COL2A1: variants seen among roughly 807,000 people sequenced by gnomAD.
COL2A1 encodes the protein collagen alpha-1(II) chain.
Under a neutral mutation model 204.5 loss-of-function variants are expected in COL2A1, and 28 were observed. That is an observed-to-expected ratio of 0.14 (90% confidence interval 0.10 to 0.19). The LOEUF (loss-of-function observed/expected upper bound fraction) is 0.19. COL2A1 is among the 10% of genes least tolerant of loss of function. The pLI is 1.00. For missense variants in COL2A1, 1,388 were observed against 2,027.5 expected, an observed-to-expected ratio of 0.68 and a Z score of 6.06; for synonymous variants, 708 against 718.7, an observed-to-expected ratio of 0.99 and a Z score of 0.24.
Position 47,978,675 on chromosome 12 carries a change from G to A in COL2A1, c.2817C>T (p.Gly939=), listed in dbSNP as rs1328170570. 2 of 1,613,336 alleles carry A rather than the reference G, an allele frequency of 1.2e-6. No individual in the cohort carries two copies. The highest frequency in any genetic ancestry group is 1.7e-6 in the Non-Finnish European group (2 of 1,179,998). The change falls in exon 42 of 54, where the codon GGC becomes GGT. Residue 939 remains glycine, a synonymous_variant. Coordinates refer to ENST00000380518, the MANE Select transcript of COL2A1 (RefSeq NM_001844.5). This position sits in a 1 kb window ranked among gnomAD's most constrained non-coding sequence, Gnocchi z 5.5. ...CTTGGAGGCCGGGTTCACCAGCTCG[G>A]CCAGGGGGGCCGCTGTCTCCTCGAG... ...KGARGDSGPP[G]RAGEPGLQGP... is the part of the protein sequence containing the mutation.
intron 3 of COL2A1, 63 bp downstream of exon 3, chr12:47,998,352 C>T (rs1329311863): frequency 6.6e-7 from 1 of 1,525,664 alleles, no homozygotes; most frequent in Non-Finnish European, 9.1e-7. Context: ...CATAGCATTG[C>T]TTTTGAAGCA....
chr12:47,973,673 A>G (rs1938547674), intron 53 of COL2A1, 120 bp from the exon 54 acceptor site: 1 of 1,188,586 alleles, frequency 8.4e-7, no homozygotes, highest in Non-Finnish European at 1.2e-6. Flanking sequence ...GTTGAACCAC[A>G]CTGAGGGGGC....
chr12:47,978,176 C>T lies in COL2A1; in HGVS notation c.3004-59G>A. On this transcript the variant is annotated intron_variant, in intron 43 of 53. Transcript: ENST00000380518. The surrounding 1 kb of genome is among the most constrained non-coding windows in gnomAD (Gnocchi z 5.5). Reference sequence around the variant, plus strand: ...GTGGTAAGCACCCCTGCCCAGGGCCCACTGACCCTTCAGGGAGAGGGCAGA... The same window carrying T: ...GTGGTAAGCACCCCTGCCCAGGGCCTACTGACCCTTCAGGGAGAGGGCAGA... 1.9e-6 allele frequency: 3 copies of T among 1,581,770 alleles called. No homozygotes were observed. Among genetic ancestry groups the T allele is most frequent in the East Asian group, 2.3e-5 (1 of 43,874 alleles).
intron 12 of COL2A1, 122 bp from the exon 13 acceptor site, chr12:47,994,169 T>A: frequency 1.7e-6 from 2 of 1,167,824 alleles, no homozygotes; most frequent in Non-Finnish European, 1.3e-6. Flanking sequence ...ATCCCCACAC[T>A]TGGACAGCTC....
intron 7 of COL2A1, 138 bp downstream of exon 7, chr12:47,997,468 C>T (rs1219308121): frequency 4.0e-6 from 6 of 1,490,862 alleles, no homozygotes; most frequent in Admixed American, 1.7e-5. Context: ...AAATTACAGG[C>T]CTGAGGGCAA....
rs1471246746 is a variant in COL2A1 at position 47,974,147 on chromosome 12, T to G, written c.4259A>C (p.Glu1420Ala). The G allele has an allele frequency of 6.2e-7, 1 of 1,614,224 alleles. No homozygotes were observed. The highest frequency in any genetic ancestry group is 1.7e-5 in the Admixed American group (1 of 60,022). The change falls in exon 53 of 54, where the codon GAG becomes GCG. Residue 1420 changes from glutamate (E) to alanine (A), a missense_variant. Glu to Ala is a moderately radical substitution (Grantham distance 107). Around this residue, in one of 3 missense-constraint regions of COL2A1, gnomAD observed 303 missense variants for 369.2 expected, o/e 0.82. Coordinates refer to ENST00000380518, the MANE Select transcript of COL2A1 (RefSeq NM_001844.5). Reference protein sequence around the residue: ...ALLIQGSNDVEIRAEGNSRFT... With the variant: ...ALLIQGSNDVAIRAEGNSRFT... The stretch of plus-strand genomic sequence containing the variant: ...CCTGCTATTGCCCTCTGCCCGGATC[T>G]CCACGTCATTGGAGCCCTGGATGAG...
rs1555164952 is a variant in COL2A1, at chr12:47,976,292, T to TTGCCAGGGG, written c.3489+221_3489+222insCCCCTGGCA. 7.2e-5 allele frequency among the ~76,000 whole-genome samples: 11 copies of TTGCCAGGGG among 152,208 alleles called. No homozygotes were observed. Among genetic ancestry groups the TTGCCAGGGG allele is most frequent in the African/African-American group, 2.7e-4 (11 of 41,442 alleles). On this transcript the variant is annotated intron_variant, in intron 49 of 53. Transcript: ENST00000380518. This position sits in a 1 kb window ranked among gnomAD's most constrained non-coding sequence, Gnocchi z 4.3. ...CTAAGCTCCTCTTTGTAAAATGCTGTTCTGTCTGACAGCGAGAGGCTGATT... is the reference window on the plus strand; with the variant it reads ...CTAAGCTCCTCTTTGTAAAATGCTGTTGCCAGGGGTCTGTCTGACAGCGAGAGGCTGATT...
chr12:47,982,158 A>G lies in COL2A1; in HGVS notation c.2304T>C (p.Gly768=), dbSNP rs925297712. ...AGIAGPKGDR[G]DVGEKGPEGA... The stretch of plus-strand genomic sequence containing the variant: ...CCTCAGGGCCTTTCTCACCAACGTC[A>G]CCCTGAGGGAAGAGAAAACCAGCCG... Residue 768 remains glycine, a splice_region_variant and synonymous_variant, in exon 35 of 54, where the codon GGT becomes GGC. Coordinates refer to ENST00000380518, the MANE Select transcript of COL2A1 (RefSeq NM_001844.5). The G allele has an allele frequency of 6.2e-6, 10 of 1,613,510 alleles. No homozygotes were observed. The highest frequency in any genetic ancestry group is 1.3e-5 in the African/African-American group (1 of 74,824).
At chr12:47,992,511 T>C (rs1277465381) in intron 16 of COL2A1, among the ~76,000 whole-genome samples, 1 of 152,164 alleles carries the variant, frequency 6.6e-6, no homozygotes, top group Non-Finnish European at 1.5e-5. Context: ...GTTCCACTTT[T>C]CTAGGGCATT....
chr12:47,994,923 G>A (rs1417006837), intron 11 of COL2A1, among the ~76,000 whole-genome samples: 1 of 152,222 alleles, frequency 6.6e-6, no homozygotes, highest in African/African-American at 2.4e-5. Context: ...ATGCTGGGTT[G>A]TTGAACGCTT....
Position 47,981,149 on chromosome 12 carries a change from A to T in COL2A1, c.2464-181T>A, listed in dbSNP as rs58559329. ...TAACCCAAAAGCCCTCACCCTGAACACATGATGGGAGTGACGTGCCTTCCC... is the reference window on the plus strand; with the variant it reads ...TAACCCAAAAGCCCTCACCCTGAACTCATGATGGGAGTGACGTGCCTTCCC... On this transcript the variant is annotated intron_variant, in intron 37 of 53. Coordinates refer to ENST00000380518, the MANE Select transcript of COL2A1 (RefSeq NM_001844.5). Among the ~76,000 whole-genome samples the T allele has an allele frequency of 0.023, 3,517 of 152,238 alleles. 106 individuals are homozygous for T. The highest frequency in any genetic ancestry group is 0.07 in the African/African-American group (2,899 of 41,512).
intron 3 of COL2A1, 61 bp from the exon 4 acceptor site, chr12:47,998,262 A>C (rs1592236536): frequency 1.6e-5 from 25 of 1,609,886 alleles, no homozygotes; most frequent in Middle Eastern, 1.7e-4. Flanking sequence ...CTAGTCTAAA[A>C]CCCTGCCAGC....
rs200041244 is a variant in COL2A1 at position 47,997,696 on chromosome 12, T to A, written c.441A>T (p.Gly147=). The change falls in exon 7 of 54, where the codon GGA becomes GGT. Residue 147 remains glycine, a synonymous_variant. Transcript: ENST00000380518. The part of the protein sequence containing the change: ...RGDKGEKGAP[G]PRGRDGEPGT... ...CAGGTTCTCCATCTCTGCCACGAGG[T>A]CCAGGGGCACCCTTGGCATAAAGAG... is the stretch of plus-strand genomic sequence containing the variant. 1.2e-6 allele frequency: 2 copies of A among 1,613,718 alleles called. No individual in the cohort carries two copies. The highest frequency in any genetic ancestry group is 1.7e-6 in the Non-Finnish European group (2 of 1,180,004).
chr12:47,982,294 G>T (rs1939136271), intron 34 of COL2A1, 134 bp from the exon 35 acceptor site: 1 of 868,656 alleles, frequency 1.2e-6, no homozygotes, highest in Non-Finnish European at 1.9e-6. Context: ...TCTCAGGGTG[G>T]GTGAGGAGCA....
chr12:47,982,098 T>A lies in COL2A1; in HGVS notation c.2355+9A>T. On this transcript the variant is annotated intron_variant, in intron 35 of 53. Coordinates refer to ENST00000380518, the MANE Select transcript of COL2A1 (RefSeq NM_001844.5). ...ATGCCCAGCAGTCCAGCAGCCCGCA[T>A]TCACTTACTCGTCCACCATCCTTTC... 6.2e-7 allele frequency: 1 copy of A among 1,613,554 alleles called. No individual in the cohort carries two copies. Among genetic ancestry groups the A allele is most frequent in the South Asian group, 1.1e-5 (1 of 91,082 alleles).
chr12:48,004,513 G>A, upstream of COL2A1: 2 of 522,724 alleles, frequency 3.8e-6, no homozygotes, highest in Non-Finnish European at 6.8e-6. Flanking sequence ...ATATGCGCCC[G>A]GCCCCTTTCG....
In COL2A1 at chr12:47,978,539, G is replaced by A. The variant is rs1026445602; in HGVS notation, c.2895+58C>T. The stretch of plus-strand genomic sequence containing the variant: ...TCCTACCCCATGCTCTGTGAGCTCA[G>A]AAGCCACTCACGACCCTGCTCCCAG... On this transcript the variant is annotated intron_variant, in intron 42 of 53. Coordinates refer to ENST00000380518, the MANE Select transcript of COL2A1 (RefSeq NM_001844.5). This position sits in a 1 kb window ranked among gnomAD's most constrained non-coding sequence, Gnocchi z 5.5. 80 of 1,608,664 alleles carry A rather than the reference G, an allele frequency of 5.0e-5. No individual in the cohort carries two copies. The highest frequency in any genetic ancestry group is 6.5e-5 in the Non-Finnish European group (77 of 1,177,034).
chr12:47,986,554 G>GA, intron 22 of COL2A1, 111 bp from the exon 23 acceptor site: 2 of 766,592 alleles, frequency 2.6e-6, no homozygotes, highest in Non-Finnish European at 4.4e-6. Context: ...GGGCTGGGGG[G>GA]GGGCTTGAGG....
intron 41 of COL2A1, 25 bp downstream of exon 41, chr12:47,979,486 C>T: frequency 1.9e-6 from 3 of 1,613,228 alleles, no homozygotes; most frequent in Non-Finnish European, 2.5e-6. Context: ...CTGCCTGTGC[C>T]TCTCATGCCA....
Sources: allele counts gnomAD v4.1 joint callset (sites outside exome capture counted in the v4.1 genomes callset), GRCh38; gene constraint gnomAD v4.1.1; regional missense constraint gnomAD v4.1.1; non-coding constraint Gnocchi (gnomAD v3.1); transcripts MANE v1.5; gene names NCBI Gene and HGNC (gene_info 2026-07-23, HGNC 2026-07-21).